CNTN5: variants seen among roughly 807,000 people sequenced by gnomAD.
CNTN5 encodes contactin-5.
Under a neutral mutation model 129.1 loss-of-function variants are expected in CNTN5, and 77 were observed. The observed-to-expected ratio is 0.60, with a 90% CI of 0.50 to 0.72. The LOEUF is 0.72. Among genes scored for constraint, CNTN5 ranks in the 30% least tolerant of loss-of-function variants. The probability of loss-of-function intolerance (pLI) is 0.00; values close to 1 mark genes in which losing one functional copy is unlikely to be tolerated. For synonymous variants in CNTN5, 509 were observed against 465.6 expected (o/e 1.09, Z -1.20); for missense variants, 1,478 against 1,328.8 (o/e 1.11, Z -1.75).
chr11:99,955,695 A>G (rs777294236), intron 7 of CNTN5, among the ~76,000 whole-genome samples: 1 of 151,682 alleles, frequency 6.6e-6, no homozygotes, highest in South Asian at 2.1e-4. Flanking sequence ...AGTAGCTAGG[A>G]CTACTGGTGC....
At chr11:99,771,912 A>G (rs1184850294) in intron 3 of CNTN5, among the ~76,000 whole-genome samples, 2 of 151,920 alleles carry the variant, frequency 1.3e-5, no homozygotes, top group Non-Finnish European at 2.9e-5. Flanking sequence ...ACTGTATATT[A>G]TATACACAAA....
rs182928773 is a variant in CNTN5, at chr11:100,346,002, T to C, written c.3031-4700T>C. Among the ~76,000 whole-genome samples, 153 of 152,296 alleles carry C rather than the reference T, an allele frequency of 1.0e-3. 3 individuals are homozygous for C. Among genetic ancestry groups the C allele is most frequent in the Non-Finnish European group, 1.5e-4 (10 of 68,020 alleles). On this transcript the variant is annotated intron_variant, in intron 23 of 24. Transcript: ENST00000524871. The stretch of plus-strand genomic sequence containing the variant: ...AATTTGGTAATTTATTTAGCATATT[T>C]ATGACTTTTCTTCAGGTCAATAAAC...
chr11:100,089,204 T>G (rs1359146844), intron 13 of CNTN5, among the ~76,000 whole-genome samples: 1 of 152,126 alleles, frequency 6.6e-6, no homozygotes, highest in Non-Finnish European at 1.5e-5. Flanking sequence ...TGTAAATTTA[T>G]TTAAACTCCT....
Position 99,850,608 on chromosome 11 carries a change from G to A in CNTN5, c.577+5346G>A, listed in dbSNP as rs190434241. 2.2e-3 allele frequency among the ~76,000 whole-genome samples: 327 copies of A among 151,980 alleles called. 2 individuals are homozygous for A. The highest frequency in any genetic ancestry group is 7.3e-3 in the African/African-American group (304 of 41,476). The stretch of plus-strand genomic sequence containing the variant: ...AACATATTTAATGTTTACCTCTTTC[G>A]AAAGGTGATTTTTTTTTACTTGCTG... On this transcript the variant is annotated intron_variant, in intron 6 of 24. Coordinates refer to ENST00000524871, the MANE Select transcript of CNTN5 (RefSeq NM_014361.4).
chr11:99,844,894 ATAT>A lies in CNTN5; in HGVS notation c.325_327del (p.Ile109del), dbSNP rs748028938. On this transcript the variant is annotated inframe_deletion, in exon 5 of 25. Transcript: ENST00000524871. ...CCAGTTTTTGTGCAAGAACCAGATG[ATAT>A]TATTTTTCCAACTGATTCTGATGAA... 37 of 1,613,536 alleles carry A rather than the reference ATAT, an allele frequency of 2.3e-5. No individual in the cohort carries two copies. The highest frequency in any genetic ancestry group is 3.0e-5 in the Non-Finnish European group (35 of 1,179,630).
rs112916046 is a variant in CNTN5, at chr11:99,891,504, A to G, written c.578-24550A>G. On this transcript the variant is annotated intron_variant, in intron 6 of 24. Transcript: ENST00000524871. ...TAGGCCCCCACCCCCCAACAGGCCC[A>G]GGTATGTAATGTTCCCCTCTCTGTG... Among the ~76,000 whole-genome samples the G allele has an allele frequency of 1.3e-4, 19 of 151,618 alleles. No individual in the cohort carries two copies. In the East Asian group the frequency reaches 3.7e-3, roughly 29 times the overall value.
At chr11:99,181,995 C>G (rs1007677423) in intron 1 of CNTN5, among the ~76,000 whole-genome samples, 1 of 152,082 alleles carries the variant, frequency 6.6e-6, no homozygotes, top group Non-Finnish European at 1.5e-5. Flanking sequence ...AATTATATCA[C>G]CATACATTAT....
chr11:99,688,709 G>T (rs1212871753), intron 3 of CNTN5, among the ~76,000 whole-genome samples: 1 of 152,040 alleles, frequency 6.6e-6, no homozygotes, highest in Non-Finnish European at 1.5e-5. Context: ...CATCACCGAG[G>T]TATTAATCCC....
At chr11:100,267,657 G>T (rs1164535358) in intron 17 of CNTN5, among the ~76,000 whole-genome samples, 1 of 152,152 alleles carries the variant, frequency 6.6e-6, no homozygotes, top group Non-Finnish European at 1.5e-5. Flanking sequence ...GGATCAGTGA[G>T]GCAGGAGCAG....
intron 8 of CNTN5, among the ~76,000 whole-genome samples, chr11:99,963,044 G>T (rs1372263041): frequency 1.3e-5 from 2 of 152,170 alleles, no homozygotes; most frequent in Non-Finnish European, 2.9e-5. Context: ...GTTCATTGTA[G>T]ATTCTGGATA....
At chr11:99,580,112 G>C (rs1591309385) in intron 3 of CNTN5, among the ~76,000 whole-genome samples, 1 of 152,158 alleles carries the variant, frequency 6.6e-6, no homozygotes, top group Non-Finnish European at 1.5e-5. Flanking sequence ...CTTTGGTTCT[G>C]TTTAGACGCT....
intron 1 of CNTN5, among the ~76,000 whole-genome samples, chr11:99,036,649 G>C (rs1455038699): frequency 6.6e-6 from 1 of 152,096 alleles, no homozygotes; most frequent in Non-Finnish European, 1.5e-5. Context: ...TTACTGCCAA[G>C]TTTTCCTCCA....
At chr11:99,757,996 A>G (rs1487175399) in intron 3 of CNTN5, among the ~76,000 whole-genome samples, 1 of 152,114 alleles carries the variant, frequency 6.6e-6, no homozygotes, top group East Asian at 1.9e-4. Context: ...GCTTAATTGT[A>G]GAAGCAGTAT....
intron 3 of CNTN5, among the ~76,000 whole-genome samples, chr11:99,780,179 T>C (rs901190501): frequency 3.9e-5 from 6 of 152,036 alleles, no homozygotes; most frequent in African/African-American, 4.8e-5. Flanking sequence ...TCTTAGTTTT[T>C]TTCCCCCCCT....
At chr11:100,219,810 A>T (rs980153079) in intron 15 of CNTN5, among the ~76,000 whole-genome samples, 6 of 152,196 alleles carry the variant, frequency 3.9e-5, no homozygotes, top group African/African-American at 1.4e-4. Context: ...AGTGATTAAT[A>T]GTTTTACTTC....
intron 8 of CNTN5, among the ~76,000 whole-genome samples, chr11:99,964,326 C>G (rs534186830): frequency 2.0e-5 from 3 of 152,080 alleles, no homozygotes; most frequent in African/African-American, 7.2e-5. Flanking sequence ...TTTTGAGATA[C>G]GTCCCATCAA....
intron 3 of CNTN5, among the ~76,000 whole-genome samples, chr11:99,644,040 A>G (rs182716726): frequency 3.9e-5 from 6 of 152,330 alleles, no homozygotes; most frequent in African/African-American, 1.2e-4. Context: ...TAAATATGTA[A>G]GAATTTCTAT....
At chr11:99,767,880 T>A (rs1431688376) in intron 3 of CNTN5, among the ~76,000 whole-genome samples, 1 of 152,082 alleles carries the variant, frequency 6.6e-6, no homozygotes, top group Non-Finnish European at 1.5e-5. Context: ...ATGTTTTTTA[T>A]TTTAAATATT....
In CNTN5 at chr11:99,779,295, A is replaced by G. The variant is rs182780951; in HGVS notation, c.56-40249A>G. On this transcript the variant is annotated intron_variant, in intron 3 of 24. Coordinates refer to ENST00000524871, the MANE Select transcript of CNTN5 (RefSeq NM_014361.4). ...ATAACTCTCATCAAGGCATTTATTC[A>G]TTTTCTGTAATCAGGCTGAATTCAG... 1.8e-4 allele frequency among the ~76,000 whole-genome samples: 28 copies of G among 152,060 alleles called. No individual in the cohort carries two copies. The East Asian group carries it at 5.5e-3, about 30-fold the overall frequency.
Sources: gnomAD v4.1 joint callset for allele counts (sites outside exome capture counted in the v4.1 genomes callset) on GRCh38, gnomAD v4.1.1 for gene constraint, MANE v1.5 for transcripts, NCBI Gene and HGNC (gene_info 2026-07-23, HGNC 2026-07-21) for gene names.